DCDC1: variants seen among roughly 807,000 people sequenced by gnomAD.
The protein encoded by DCDC1 is doublecortin domain containing 1.
In DCDC1, 200 loss-of-function variants were observed where a neutral mutation model predicts 178.3. The observed-to-expected ratio is 1.12, with a 90% CI of 1.00 to 1.26. The LOEUF (loss-of-function observed/expected upper bound fraction) is 1.26. Ranked by LOEUF, DCDC1 falls within the 50% of genes most tolerant of loss-of-function variation. DCDC1 has a pLI of 0.00. For missense variants in DCDC1, 1,983 were observed against 1,749.2 expected (o/e 1.13, Z -2.38); for synonymous variants, 690 against 604.8 (o/e 1.14, Z -2.07).
intron 9 of DCDC1, among the ~76,000 whole-genome samples, chr11:31,181,554 C>T (rs1444980295): frequency 6.6e-6 from 1 of 152,222 alleles, no homozygotes; most frequent in Non-Finnish European, 1.5e-5. Flanking sequence ...GCAGACTCCG[C>T]TGGTGATACC....
At chr11:30,868,785 C>T (rs1457696960) in intron 38 of DCDC1, among the ~76,000 whole-genome samples, 1 of 152,202 alleles carries the variant, frequency 6.6e-6, no homozygotes, top group African/African-American at 2.4e-5. Context: ...ATTACTATTT[C>T]AGACAAATGT....
chr11:31,056,734 A>C (rs1010087566), intron 20 of DCDC1, among the ~76,000 whole-genome samples: 7 of 152,184 alleles, frequency 4.6e-5, no homozygotes, highest in Non-Finnish European at 8.8e-5. Context: ...GGGAATTTTT[A>C]CCATACATGT....
intron 1 of DCDC1, among the ~76,000 whole-genome samples, chr11:31,337,022 C>G (rs954193040): frequency 6.6e-6 from 1 of 152,170 alleles, no homozygotes; most frequent in African/African-American, 2.4e-5. Flanking sequence ...TACCTCCAGA[C>G]TTTTACATGA....
At chr11:31,036,870 T>C (rs748764596) in intron 20 of DCDC1, among the ~76,000 whole-genome samples, 3 of 152,224 alleles carry the variant, frequency 2.0e-5, no homozygotes, top group Non-Finnish European at 4.4e-5. Flanking sequence ...ATACTTATTA[T>C]ATGATAAGCA....
chr11:31,132,749 A>C (rs1962605557), intron 10 of DCDC1, among the ~76,000 whole-genome samples: 1 of 152,168 alleles, frequency 6.6e-6, no homozygotes. Flanking sequence ...TATGTTGAAA[A>C]AATGCACCAT....
chr11:31,277,929 T>C (rs767113315), intron 7 of DCDC1, among the ~76,000 whole-genome samples: 13 of 152,166 alleles, frequency 8.5e-5, no homozygotes, highest in Non-Finnish European at 1.9e-4. Flanking sequence ...CAAAGTATAA[T>C]CATTTTTTGT....
chr11:31,083,933 G>C (rs1480972956), intron 17 of DCDC1, among the ~76,000 whole-genome samples: 2 of 152,142 alleles, frequency 1.3e-5, no homozygotes, highest in Non-Finnish European at 1.5e-5. Flanking sequence ...AAATAACTTC[G>C]ATTCAACTAG....
rs1000014710 is a variant in DCDC1, at chr11:30,864,110, G to T, written c.*1263C>A. Reference sequence around the variant, plus strand: ...CCACTGAACTCCAGACTGGGCAACAGAGTGAGACTCCATCTCAAAAAAAAA... The same window carrying T: ...CCACTGAACTCCAGACTGGGCAACATAGTGAGACTCCATCTCAAAAAAAAA... On this transcript the variant is annotated 3_prime_UTR_variant, in exon 39 of 39. Coordinates refer to ENST00000684477, the MANE Select transcript of DCDC1 (RefSeq NM_001387274.1). 6 of 151,968 alleles carry T rather than the reference G, an allele frequency of 3.9e-5. No individual in the cohort carries two copies. Among genetic ancestry groups the T allele is most frequent in the African/African-American group, 1.5e-4 (6 of 41,306 alleles). The allele number at this position is 151,968 out of a possible 1,614,324, so 9.4% of individuals were successfully genotyped here. A position where few individuals can be genotyped will look rare whatever the true frequency, so the allele number is the denominator to read the frequency against.
intron 20 of DCDC1, among the ~76,000 whole-genome samples, chr11:30,975,348 A>G (rs560196780): frequency 5.3e-4 from 80 of 152,200 alleles, no homozygotes; most frequent in African/African-American, 1.9e-3. Context: ...CTTATTCAAC[A>G]TAGTACTGGA....
chr11:31,032,221 C>A (rs1342174286), intron 20 of DCDC1, among the ~76,000 whole-genome samples: 1 of 151,938 alleles, frequency 6.6e-6, no homozygotes, highest in African/African-American at 2.4e-5. Flanking sequence ...AAATGAACTC[C>A]CAAGAAATAT....
At chr11:31,273,040 T>C (rs1017751338) in intron 7 of DCDC1, among the ~76,000 whole-genome samples, 1 of 152,162 alleles carries the variant, frequency 6.6e-6, no homozygotes, top group African/African-American at 2.4e-5. Flanking sequence ...GTCCCTAGAC[T>C]GCAATGTAGT....
At chr11:31,117,443 T>G (rs1960133153) in intron 11 of DCDC1, among the ~76,000 whole-genome samples, 1 of 151,972 alleles carries the variant, frequency 6.6e-6, no homozygotes, top group South Asian at 2.1e-4. Flanking sequence ...GTCTCTTTCC[T>G]AAGAGCAAGT....
At chr11:30,892,319 T>G (rs1943850517) in intron 36 of DCDC1, among the ~76,000 whole-genome samples, 1 of 152,092 alleles carries the variant, frequency 6.6e-6, no homozygotes, top group Non-Finnish European at 1.5e-5. Context: ...TGATAGGCTT[T>G]CTCTAATGAG....
intron 1 of DCDC1, among the ~76,000 whole-genome samples, chr11:31,367,462 G>A (rs1335125555): frequency 6.6e-6 from 1 of 152,198 alleles, no homozygotes; most frequent in Non-Finnish European, 1.5e-5. Flanking sequence ...ACCATGAAAA[G>A]ATCCAATTGT....
chr11:30,908,848 A>T, intron 29 of DCDC1, 98 bp downstream of exon 29: 1 of 1,087,928 alleles, frequency 9.2e-7, no homozygotes, highest in Non-Finnish European at 1.3e-6. Context: ...AACTTGTATG[A>T]ACATAAAGTT....
At chr11:30,963,761 T>C (rs1949258549) in intron 20 of DCDC1, among the ~76,000 whole-genome samples, 1 of 152,166 alleles carries the variant, frequency 6.6e-6, no homozygotes, top group African/African-American at 2.4e-5. Context: ...CCTAAATGTT[T>C]TGGAGTCTCT....
rs748313884 is a variant in DCDC1 at position 30,952,545 on chromosome 11, G to T, written c.2615C>A (p.Thr872Asn). The change falls in exon 21 of 39, where the codon ACC (threonine) becomes AAC (asparagine). Residue 872 changes from threonine (T) to asparagine (N), a missense_variant. Thr to Asn is a moderately conservative substitution (Grantham distance 65). Coordinates refer to ENST00000684477, the MANE Select transcript of DCDC1 (RefSeq NM_001387274.1). ...ATGTTTCCACTGGCCTGGCTTACTG[G>T]TTCCTTCATGTTTTATGGCCCACCT... ...AQRWAIKHEG[T>N]SKPGQWKHSR... 2 of 1,511,880 alleles carry T rather than the reference G, an allele frequency of 1.3e-6. No individual in the cohort carries two copies. Among genetic ancestry groups the T allele is most frequent in the South Asian group, 2.3e-5 (2 of 85,184 alleles). 93.7% of individuals were successfully genotyped at this position (1,511,880 alleles called of 1,614,324 possible).
intron 20 of DCDC1, among the ~76,000 whole-genome samples, chr11:30,969,683 T>A (rs1157617721): frequency 6.6e-6 from 1 of 152,232 alleles, no homozygotes; most frequent in African/African-American, 2.4e-5. Flanking sequence ...AATTTTATAA[T>A]TCATATTTGC....
chr11:31,213,299 T>C (rs1320363166), intron 9 of DCDC1, among the ~76,000 whole-genome samples: 1 of 151,750 alleles, frequency 6.6e-6, no homozygotes, highest in African/African-American at 2.4e-5. Flanking sequence ...TTTTCAAATT[T>C]AGCCTTATCA....
Sources: allele counts gnomAD v4.1 joint callset (sites outside exome capture counted in the v4.1 genomes callset), GRCh38; gene constraint gnomAD v4.1.1; transcripts MANE v1.5; gene names NCBI Gene and HGNC (gene_info 2026-07-23, HGNC 2026-07-21).